Variants in LUZP2 observed in about 807,000 individuals in gnomAD.
LUZP2 encodes the protein leucine zipper protein 2.
In LUZP2, 52 loss-of-function variants were observed where a neutral mutation model predicts 51.6. That is an observed-to-expected ratio of 1.01 (90% confidence interval 0.81 to 1.27). The LOEUF (loss-of-function observed/expected upper bound fraction) is 1.27. LUZP2 is among the 50% of genes most tolerant of loss of function. The probability of loss-of-function intolerance (pLI) is 0.00; values close to 1 mark genes in which losing one functional copy is unlikely to be tolerated. For missense variants in LUZP2, 436 were observed against 395.4 expected (o/e 1.10, Z -0.87); for synonymous variants, 154 against 137.3 (o/e 1.12, Z -0.85).
chr11:24,969,459 T>C (rs907010578), intron 7 of LUZP2, among the ~76,000 whole-genome samples: 1 of 152,180 alleles, frequency 6.6e-6, no homozygotes, highest in Non-Finnish European at 1.5e-5. Flanking sequence ...ATTTATTTCT[T>C]ATTTTTTATG....
At chr11:24,846,649 G>T (rs1851207933) in intron 5 of LUZP2, among the ~76,000 whole-genome samples, 6 of 151,922 alleles carry the variant, frequency 3.9e-5, no homozygotes, top group Admixed American at 3.9e-4. Flanking sequence ...ATGGCTTCTG[G>T]GAATACATCA....
At chr11:24,775,712 A>AC (rs1443934577) in intron 5 of LUZP2, among the ~76,000 whole-genome samples, 1 of 152,090 alleles carries the variant, frequency 6.6e-6, no homozygotes, top group Non-Finnish European at 1.5e-5. Flanking sequence ...CTCAGTTGAA[A>AC]CCATGCTCCT....
chr11:24,946,460 A>G (rs1011327293), intron 7 of LUZP2, among the ~76,000 whole-genome samples: 2 of 151,916 alleles, frequency 1.3e-5, no homozygotes, highest in African/African-American at 4.8e-5. Context: ...GCTTTCTAAT[A>G]TAAAATTTTT....
intron 3 of LUZP2, among the ~76,000 whole-genome samples, chr11:24,732,485 G>A (rs1858749252): frequency 6.6e-6 from 1 of 151,516 alleles, no homozygotes; most frequent in South Asian, 2.1e-4. Flanking sequence ...TTAGTAAGAT[G>A]GACCCAGGTA....
At chr11:24,901,726 G>A (rs1016433886) in intron 5 of LUZP2, among the ~76,000 whole-genome samples, 4 of 152,054 alleles carry the variant, frequency 2.6e-5, no homozygotes, top group African/African-American at 9.7e-5. Flanking sequence ...CTATTAGGCA[G>A]GTTTAGCAAG....
At chr11:24,674,926 T>A (rs151054782) in intron 1 of LUZP2, among the ~76,000 whole-genome samples, 34 of 152,338 alleles carry the variant, frequency 2.2e-4, no homozygotes, top group African/African-American at 7.9e-4. Context: ...GAAACTATAA[T>A]ATTGCAATTT....
At chr11:24,527,403 A>C (rs1850840099) in intron 1 of LUZP2, among the ~76,000 whole-genome samples, 1 of 150,800 alleles carries the variant, frequency 6.6e-6, no homozygotes, top group South Asian at 2.1e-4. Context: ...AAAATATTGC[A>C]GTTCTAAGAG....
At chr11:24,547,354 T>TG (rs1218208307) in intron 1 of LUZP2, among the ~76,000 whole-genome samples, 1 of 152,086 alleles carries the variant, frequency 6.6e-6, no homozygotes, top group Non-Finnish European at 1.5e-5. Flanking sequence ...AGCATGGTAC[T>TG]GGTGCAAAAA....
At chr11:24,517,525 T>C (rs1850512331) in intron 1 of LUZP2, among the ~76,000 whole-genome samples, 1 of 127,286 alleles carries the variant, frequency 7.9e-6, no homozygotes, top group Non-Finnish European at 1.7e-5. Flanking sequence ...TGTAGGTACA[T>C]ATTAAATTTT....
At chr11:25,034,568 G>A (rs951555274) in intron 9 of LUZP2, among the ~76,000 whole-genome samples, 1 of 152,016 alleles carries the variant, frequency 6.6e-6, no homozygotes. Context: ...TTAAATATTT[G>A]ATCCATTTTG....
chr11:24,740,968 A>AT (rs1399774099), intron 4 of LUZP2, among the ~76,000 whole-genome samples: 1 of 152,038 alleles, frequency 6.6e-6, no homozygotes, highest in Non-Finnish European at 1.5e-5. Context: ...CATTATTAGT[A>AT]TTTTTTCTTC....
chr11:24,782,388 G>A (rs1181613251), intron 5 of LUZP2, among the ~76,000 whole-genome samples: 2 of 152,164 alleles, frequency 1.3e-5, no homozygotes, highest in African/African-American at 2.4e-5. Flanking sequence ...TCTGTACTAT[G>A]AGCAGGAGAT....
At chr11:24,738,148 C>A in intron 3 of LUZP2, 73 bp from the exon 4 acceptor site, 1 of 1,094,480 alleles carries the variant, frequency 9.1e-7, no homozygotes, top group East Asian at 2.5e-5. Flanking sequence ...AAGCTCCTTC[C>A]TTTTATAATG....
intron 1 of LUZP2, among the ~76,000 whole-genome samples, chr11:24,709,896 T>C (rs879742936): frequency 1.3e-5 from 2 of 152,200 alleles, no homozygotes; most frequent in African/African-American, 2.4e-5. Flanking sequence ...AAAAGTTAAC[T>C]TTGGTGTCTG....
rs1442049136 is a variant in LUZP2, at chr11:25,060,014, T to C, written c.858+9884T>C. On this transcript the variant is annotated intron_variant, in intron 10 of 11. Transcript: ENST00000336930. The stretch of plus-strand genomic sequence containing the variant: ...TCCATTAGGAACCTTTATATGTTTT[T>C]TAAAAATGTAATCAACTCTTCCAGC... 2.0e-5 allele frequency among the ~76,000 whole-genome samples: 3 copies of C among 152,168 alleles called. No homozygotes were observed. In the East Asian group the frequency reaches 5.8e-4, roughly 29 times the overall value.
chr11:24,523,607 C>T (rs1850712735), intron 1 of LUZP2, among the ~76,000 whole-genome samples: 1 of 150,730 alleles, frequency 6.6e-6, no homozygotes, highest in Non-Finnish European at 1.5e-5. Flanking sequence ...TCAGGTAGTA[C>T]ATTTAGATTG....
chr11:25,009,502 T>G (rs925150198), intron 9 of LUZP2, among the ~76,000 whole-genome samples: 3 of 152,176 alleles, frequency 2.0e-5, no homozygotes, highest in African/African-American at 7.2e-5. Context: ...ATAGTAACTT[T>G]TATCTAGTAA....
At chr11:24,835,197 A>T (rs1224542355) in intron 5 of LUZP2, among the ~76,000 whole-genome samples, 1 of 152,160 alleles carries the variant, frequency 6.6e-6, no homozygotes, top group Non-Finnish European at 1.5e-5. Context: ...TGACAAAAAC[A>T]AGGAATGGGG....
chr11:24,757,928 G>C (rs995379059), intron 4 of LUZP2, among the ~76,000 whole-genome samples: 3 of 151,876 alleles, frequency 2.0e-5, no homozygotes, highest in Non-Finnish European at 4.4e-5. Context: ...GTACTAAAAG[G>C]CATCTATTTC....
Sources: allele counts gnomAD v4.1 joint callset (sites outside exome capture counted in the v4.1 genomes callset), GRCh38; gene constraint gnomAD v4.1.1; transcripts MANE v1.5; gene names NCBI Gene and HGNC (gene_info 2026-07-23, HGNC 2026-07-21).